The following GRM7 variants were observed in gnomAD, a reference collection of about 807,000 sequenced individuals.
GRM7 encodes glutamate metabotropic receptor 7.
GRM7 carries 35 observed loss-of-function variants against 84.5 expected under a neutral mutation model. That is an observed-to-expected ratio of 0.41 (90% CI 0.32 to 0.55). The LOEUF (loss-of-function observed/expected upper bound fraction) is 0.55, where lower values mean the gene tolerates loss of function less well. GRM7 is among the 20% of genes least tolerant of loss of function. The pLI, the probability that GRM7 is intolerant of heterozygous loss-of-function variation, is 0.19. For synonymous variants in GRM7, 487 were observed against 455.1 expected (o/e 1.07, Z -0.89); for missense variants, 1,003 against 1,194.6 (o/e 0.84, Z 2.36).
At chr3:6,897,801 A>G in intron 1 of GRM7, among the ~76,000 whole-genome samples, 1 of 152,350 alleles carries the variant, frequency 6.6e-6, no homozygotes, top group East Asian at 1.9e-4. Context: ...AGCAGGATGT[A>G]GGGAAACAGA....
intron 1 of GRM7, among the ~76,000 whole-genome samples, chr3:7,077,285 G>A (rs955812510): frequency 3.3e-5 from 5 of 152,156 alleles, no homozygotes; most frequent in African/African-American, 1.2e-4. Context: ...TATGTTTATT[G>A]CAGCACTGTT....
chr3:7,637,585 G>A (rs1451469590), intron 8 of GRM7, among the ~76,000 whole-genome samples: 1 of 152,152 alleles, frequency 6.6e-6, no homozygotes, highest in African/African-American at 2.4e-5. Context: ...GGCTTTGCAG[G>A]AGCCTATCGC....
chr3:7,734,198 C>T (rs1175365346), intron 9 of GRM7, among the ~76,000 whole-genome samples: 2 of 147,424 alleles, frequency 1.4e-5, no homozygotes, highest in East Asian at 4.0e-4. Flanking sequence ...CACTGACCTA[C>T]CTCCCTTATT....
intron 1 of GRM7, among the ~76,000 whole-genome samples, chr3:7,034,720 G>A (rs1004716330): frequency 6.6e-6 from 1 of 152,178 alleles, no homozygotes; most frequent in Admixed American, 6.5e-5. Context: ...AGTCACATGA[G>A]CTGTGTATAG....
intron 1 of GRM7, among the ~76,000 whole-genome samples, chr3:6,960,336 C>A (rs573025394): frequency 6.6e-6 from 1 of 152,144 alleles, no homozygotes; most frequent in Non-Finnish European, 1.5e-5. Context: ...GCTATGACAT[C>A]ACTTTAGCAC....
At chr3:7,542,994 G>A (rs1254961778) in intron 7 of GRM7, among the ~76,000 whole-genome samples, 2 of 152,066 alleles carry the variant, frequency 1.3e-5, no homozygotes, top group African/African-American at 4.8e-5. Flanking sequence ...CTGACTCTCT[G>A]GTTCCCCACA....
At chr3:7,614,099 A>ACTAAGAACT (rs1190242675) in intron 8 of GRM7, among the ~76,000 whole-genome samples, 2 of 152,084 alleles carry the variant, frequency 1.3e-5, no homozygotes, top group African/African-American at 2.4e-5. Flanking sequence ...CTCCGTCTCT[A>ACTAAGAACT]CTAAGAACTA....
At chr3:6,882,412 A>G (rs1192261763) in intron 1 of GRM7, among the ~76,000 whole-genome samples, 1 of 152,176 alleles carries the variant, frequency 6.6e-6, no homozygotes, top group East Asian at 1.9e-4. Flanking sequence ...CAGGCATGGT[A>G]GCATTAGCTT....
chr3:6,936,351 G>A (rs991961246), intron 1 of GRM7, among the ~76,000 whole-genome samples: 2 of 152,154 alleles, frequency 1.3e-5, no homozygotes, highest in East Asian at 3.9e-4. Flanking sequence ...TTTCCAATAA[G>A]TTCCAAAGAG....
intron 9 of GRM7, among the ~76,000 whole-genome samples, chr3:7,729,624 G>A (rs1702241432): frequency 6.6e-6 from 1 of 152,206 alleles, no homozygotes; most frequent in African/African-American, 2.4e-5. Flanking sequence ...TCTAGAAGCA[G>A]TGGTTCAGTA....
At chr3:7,224,536 A>C (rs1326165803) in intron 2 of GRM7, among the ~76,000 whole-genome samples, 2 of 152,192 alleles carry the variant, frequency 1.3e-5, no homozygotes, top group African/African-American at 4.8e-5. Context: ...GCCCTTGTAG[A>C]TGCCACTGCT....
At chr3:7,345,498 G>T (rs1052361206) in intron 4 of GRM7, among the ~76,000 whole-genome samples, 1 of 151,938 alleles carries the variant, frequency 6.6e-6, no homozygotes, top group East Asian at 1.9e-4. Context: ...TGGCCAGGCT[G>T]GTCTCGAACT....
intron 8 of GRM7, among the ~76,000 whole-genome samples, chr3:7,597,581 C>T (rs1696109869): frequency 6.6e-6 from 1 of 152,052 alleles, no homozygotes; most frequent in Non-Finnish European, 1.5e-5. Context: ...CACATCAATC[C>T]TGGGGTCATT....
intron 1 of GRM7, among the ~76,000 whole-genome samples, chr3:6,982,096 C>T (rs943155353): frequency 6.6e-6 from 1 of 152,060 alleles, no homozygotes; most frequent in Non-Finnish European, 1.5e-5. Flanking sequence ...ACATATATAC[C>T]AGGGAATACT....
intron 8 of GRM7, among the ~76,000 whole-genome samples, chr3:7,672,705 T>C (rs112883562): frequency 0.33 from 49,813 of 151,092 alleles, 10,225 homozygotes; most frequent in Non-Finnish European, 0.46. Context: ...CCTGGGTTCA[T>C]GCCATTCTCC....
chr3:7,550,583 G>C (rs995438082), intron 7 of GRM7, among the ~76,000 whole-genome samples: 7 of 97,446 alleles, frequency 7.2e-5, no homozygotes, highest in East Asian at 2.3e-4. Flanking sequence ...CTCTCTGTGT[G>C]TGTGTGTGTG....
chr3:7,006,676 A>C (rs1695191512), intron 1 of GRM7, among the ~76,000 whole-genome samples: 1 of 152,220 alleles, frequency 6.6e-6, no homozygotes, highest in Non-Finnish European at 1.5e-5. Context: ...GAAATCAGAA[A>C]ATTTTAATTA....
chr3:7,599,828 C>A (rs3804880), intron 8 of GRM7, among the ~76,000 whole-genome samples: 1 of 151,816 alleles, frequency 6.6e-6, no homozygotes, highest in African/African-American at 2.4e-5. Context: ...CAAAATGGAA[C>A]GCTTGGTTTT....
At chr3:6,977,002 G>C (rs1694024668) in intron 1 of GRM7, among the ~76,000 whole-genome samples, 1 of 152,120 alleles carries the variant, frequency 6.6e-6, no homozygotes, top group African/African-American at 2.4e-5. Context: ...ATGATATGAA[G>C]TGATCAGAAT....
Sources: gnomAD v4.1 joint callset for allele counts (sites outside exome capture counted in the v4.1 genomes callset) on GRCh38, gnomAD v4.1.1 for gene constraint, MANE v1.5 for transcripts, NCBI Gene and HGNC (gene_info 2026-07-23, HGNC 2026-07-21) for gene names.